Variants in DMRT2 observed in about 807,000 individuals in gnomAD.
DMRT2 encodes the protein doublesex- and mab-3-related transcription factor 2.
Under a neutral mutation model 43.5 loss-of-function variants are expected in DMRT2, and 33 were observed. That is an observed-to-expected ratio of 0.76 (90% CI 0.58 to 1.01). The LOEUF (loss-of-function observed/expected upper bound fraction) is 1.01. Among genes scored for constraint, DMRT2 ranks in the 50% least tolerant of loss-of-function variants. The pLI, the probability that DMRT2 is intolerant of heterozygous loss-of-function variation, is 0.00. For synonymous variants in DMRT2, 395 were observed against 309.2 expected (o/e 1.28, Z -2.91); for missense variants, 1,064 against 748.0 (o/e 1.42, Z -4.93).
In DMRT2 at chr9:1,056,879, C is replaced by A. The variant is rs764593509; in HGVS notation, c.1292C>A (p.Pro431Gln). The stretch of plus-strand genomic sequence containing the variant: ...GTCCCAGAGAGGTCCGCGTTCTCCC[C>A]ACCCCGACGGAATTTCTCTCCCATT... ...QAVPERSAFS[P>Q]PRRNFSPIVD... The change falls in exon 4 of 4, where the codon CCA (proline) becomes CAA (glutamine). Residue 431 changes from proline (P) to glutamine (Q), a missense_variant. Pro to Gln is a moderately conservative substitution (Grantham distance 76). Transcript: ENST00000358146. 6.2e-7 allele frequency: 1 copy of A among 1,614,150 alleles called. No homozygotes were observed. The highest frequency in any genetic ancestry group is 8.5e-7 in the Non-Finnish European group (1 of 1,180,038).
Position 1,051,643 on chromosome 9 carries a change from CG to C in DMRT2, c.34del (p.Asp12ThrfsTer106), listed in dbSNP as rs1315369746. 1.9e-6 allele frequency: 3 copies of C among 1,566,260 alleles called. No individual in the cohort carries two copies. The highest frequency in any genetic ancestry group is 1.4e-5 in the African/African-American group (1 of 72,024). On this transcript the variant is annotated frameshift_variant, in exon 2 of 4. Transcript: ENST00000358146. LOFTEE classifies it high-confidence loss of function. The surrounding 1 kb of genome is among the most constrained non-coding windows in gnomAD (Gnocchi z 5.9). Reference sequence around the variant, plus strand: ...CCGACCCGCAGGCTGGCTCCGCGGCCGGGGACTGGGAGATCGATGTCGAGAG... The same window carrying C: ...CCGACCCGCAGGCTGGCTCCGCGGCCGGGACTGGGAGATCGATGTCGAGAG... MADPQAGSAA[G>X]DWEIDVESLE...
rs970462719 is a variant in DMRT2, at chr9:1,051,700, G to A, written c.87G>A (p.Ala29=). 3 of 1,553,898 alleles carry A rather than the reference G, an allele frequency of 1.9e-6. No homozygotes were observed. Among genetic ancestry groups the A allele is most frequent in the Admixed American group, 1.9e-5 (1 of 52,378 alleles). The change falls in exon 2 of 4, where the codon GCG becomes GCA. Residue 29 remains alanine, a synonymous_variant. Transcript: ENST00000358146. The surrounding 1 kb of genome is among the most constrained non-coding windows in gnomAD (Gnocchi z 5.9). The stretch of plus-strand genomic sequence containing the variant: ...AGCTGGAAGAGGACGTCTGCGGGGC[G>A]CCGCGGTCCACGCCCCCCGGGCCCA... ...SLELEEDVCG[A]PRSTPPGPSP... is the part of the protein sequence containing the mutation.
chr9:1,051,544 C>A lies in DMRT2; in HGVS notation c.-44-26C>A. The A allele has an allele frequency of 6.9e-7, 1 of 1,439,632 alleles. No homozygotes were observed. 89.2% of individuals were successfully genotyped at this position (1,439,632 alleles called of 1,614,324 possible). A position where few individuals can be genotyped will look rare whatever the true frequency, so the allele number is the denominator to read the frequency against. On this transcript the variant is annotated intron_variant, in intron 1 of 3. Coordinates refer to ENST00000358146, the MANE Select transcript of DMRT2 (RefSeq NM_181872.6). This position sits in a 1 kb window ranked among gnomAD's most constrained non-coding sequence, Gnocchi z 5.9. ...TGGTCCCTGACGGCGGCCGGTGGGT[C>A]TTTGGATTTCTTTGTGTTTCCCCAG... is the stretch of plus-strand genomic sequence containing the variant.
Position 1,056,852 on chromosome 9 carries a change from C to T in DMRT2, c.1265C>T (p.Ala422Val), listed in dbSNP as rs143092642. Residue 422 changes from alanine (A) to valine (V), a missense_variant, in exon 4 of 4, where the codon GCT (alanine) becomes GTT (valine). Physicochemically the swap from Ala to Val is moderately conservative, Grantham distance 64. Transcript: ENST00000358146. ...TTRSDLQGHQAVPERSAFSPP... is the reference protein window; with the variant it reads ...TTRSDLQGHQVVPERSAFSPP... ...AGAAGTGACCTTCAGGGTCATCAGG[C>T]TGTCCCAGAGAGGTCCGCGTTCTCC... 1.3e-3 allele frequency: 2,102 copies of T among 1,614,154 alleles called. 13 individuals carry two copies. Among genetic ancestry groups the T allele is most frequent in the South Asian group, 3.4e-3 (311 of 91,078 alleles).
rs1289901021 is a variant in DMRT2, at chr9:1,057,141, A to G, written c.1554A>G (p.Ile518Met). ...VKDNQKYTFT[I>M]DRCAKDLFVA... ...ACAACCAGAAGTACACATTTACAAT[A>G]GATAGATGTGCAAAAGACCTTTTTG... is the stretch of plus-strand genomic sequence containing the variant. Residue 518 changes from isoleucine to methionine, a missense_variant, in exon 4 of 4, where the codon ATA (isoleucine) becomes ATG (methionine). Transcript: ENST00000358146. 2.5e-6 allele frequency: 4 copies of G among 1,614,102 alleles called. No homozygotes were observed. Among genetic ancestry groups the G allele is most frequent in the African/African-American group, 1.3e-5 (1 of 74,944 alleles).
chr9:1,052,573 C>T (rs1471428487), intron 2 of DMRT2, among the ~76,000 whole-genome samples: 1 of 151,986 alleles, frequency 6.6e-6, no homozygotes, highest in Non-Finnish European at 1.5e-5. Flanking sequence ...AGCACGCATG[C>T]GCTCGGTGCT....
Position 1,052,069 on chromosome 9 carries a change from C to T in DMRT2, c.456C>T (p.Cys152=). ...CRWRDCQCAN[C]LLVVERQRVM... ...GGCGCGACTGCCAGTGCGCCAACTG[C>T]CTGCTGGTGGTGGAGCGGCAGCGCG... is the stretch of plus-strand genomic sequence containing the variant. The change falls in exon 2 of 4, where the codon TGC becomes TGT. Residue 152 remains cysteine (C), a synonymous_variant. Coordinates refer to ENST00000358146, the MANE Select transcript of DMRT2 (RefSeq NM_181872.6). 2.7e-6 allele frequency: 4 copies of T among 1,465,564 alleles called. No individual in the cohort carries two copies. The highest frequency in any genetic ancestry group is 3.6e-6 in the Non-Finnish European group (4 of 1,114,236). 90.8% of individuals were successfully genotyped at this position (1,465,564 alleles called of 1,614,324 possible). A position where few individuals can be genotyped will look rare whatever the true frequency, so the allele number is the denominator to read the frequency against.
At position 1,053,941 on chromosome 9, in the gene DMRT2, A is replaced by G. The variant is rs182144549; in HGVS notation, c.628+117A>G. ...GCTATCTAAAGGGAAAGTACTTTTT[A>G]TTAGAAAGGTTTTGTTTAGGTGTTC... On this transcript the variant is annotated intron_variant, in intron 3 of 3. Transcript: ENST00000358146. 4.8e-6 allele frequency: 4 copies of G among 835,858 alleles called. No homozygotes were observed. The Admixed American group carries it at 1.1e-4, about 23-fold the overall frequency. The allele number at this position is 835,858 out of a possible 1,614,324, so 51.8% of individuals were successfully genotyped here. A position where few individuals can be genotyped will look rare whatever the true frequency, so the allele number is the denominator to read the frequency against.
chr9:1,053,608 C>G lies in DMRT2; in HGVS notation c.526-114C>G, dbSNP rs1250625692. 8.8e-6 allele frequency: 8 copies of G among 908,642 alleles called. No individual in the cohort carries two copies. The African/African-American group carries it at 9.9e-5, about 11-fold the overall frequency. 56.3% of individuals were successfully genotyped at this position (908,642 alleles called of 1,614,324 possible). ...ATTTTTCACACGGAATGGGAAAATT[C>G]AATACATTTAGAAGGGGGAGAGTTT... is the stretch of plus-strand genomic sequence containing the variant. On this transcript the variant is annotated intron_variant, in intron 2 of 3. Transcript: ENST00000358146.
In DMRT2 at chr9:1,057,092, A is replaced by G; in HGVS notation, c.1505A>G (p.Lys502Arg). Residue 502 changes from lysine to arginine, a missense_variant, in exon 4 of 4, where the codon AAA becomes AGA. Transcript: ENST00000358146. ...GAGGCCTTTGAAGAGACCCCTAAGA[A>G]ACACAGAGAGTGTTTAGTTAAGGAC... ...VKEAFEETPK[K>R]HRECLVKDNQ... 6.2e-7 allele frequency: 1 copy of G among 1,614,208 alleles called. No homozygotes were observed. The highest frequency in any genetic ancestry group is 8.5e-7 in the Non-Finnish European group (1 of 1,180,036).
rs377182125 is a variant in DMRT2, at chr9:1,056,863, A to G, written c.1276A>G (p.Arg426Gly). 4.3e-6 allele frequency: 7 copies of G among 1,614,132 alleles called. No individual in the cohort carries two copies. The highest frequency in any genetic ancestry group is 5.9e-6 in the Non-Finnish European group (7 of 1,180,028). The change falls in exon 4 of 4, where the codon AGG becomes GGG. Residue 426 changes from arginine (R) to glycine (G), a missense_variant. Arg to Gly is a moderately radical substitution (Grantham distance 125, BLOSUM62 -2). Coordinates refer to ENST00000358146, the MANE Select transcript of DMRT2 (RefSeq NM_181872.6). ...TCAGGGTCATCAGGCTGTCCCAGAGAGGTCCGCGTTCTCCCCACCCCGACG... is the reference window on the plus strand; with the variant it reads ...TCAGGGTCATCAGGCTGTCCCAGAGGGGTCCGCGTTCTCCCCACCCCGACG... ...DLQGHQAVPE[R>G]SAFSPPRRNF...
At chr9:1,054,929 A>G (rs891835459) in intron 3 of DMRT2, among the ~76,000 whole-genome samples, 3 of 151,484 alleles carry the variant, frequency 2.0e-5, no homozygotes, top group African/African-American at 4.9e-5. Context: ...TTTCTTGTGT[A>G]GCTTCTGAAT....
rs535853385 is a variant in DMRT2 at position 1,052,195 on chromosome 9, G to A, written c.525+57G>A. 9.3e-6 allele frequency: 12 copies of A among 1,286,590 alleles called. No homozygotes were observed. In the Admixed American group the frequency reaches 5.0e-4, roughly 54 times the overall value. The allele number at this position is 1,286,590 out of a possible 1,614,324, so 79.7% of individuals were successfully genotyped here. On this transcript the variant is annotated intron_variant, in intron 2 of 3. Coordinates refer to ENST00000358146, the MANE Select transcript of DMRT2 (RefSeq NM_181872.6). ...CCACAGTGGAGGTGGGGGAGTTGGA[G>A]GGGAGCGGGGCGGCCGTCCACACCC... is the stretch of plus-strand genomic sequence containing the variant.
Position 1,057,013 on chromosome 9 carries a change from C to G in DMRT2, c.1426C>G (p.Gln476Glu), listed in dbSNP as rs1429553863. 1 of 1,614,090 alleles carries G rather than the reference C, an allele frequency of 6.2e-7. No individual in the cohort carries two copies. Among genetic ancestry groups the G allele is most frequent in the African/African-American group, 1.3e-5 (1 of 74,918 alleles). ...ACATAATCCATTCCACTCATTATTCCAGCAAACACTTACTGACAAATCGGG... is the reference window on the plus strand; with the variant it reads ...ACATAATCCATTCCACTCATTATTCGAGCAAACACTTACTGACAAATCGGG... ...LRHNPFHSLF[Q>E]QTLTDKSGPE... is the part of the protein sequence containing the mutation. The change falls in exon 4 of 4, where the codon CAG becomes GAG. Residue 476 changes from glutamine (Q) to glutamate (E), a missense_variant. Physicochemically the swap from Gln to Glu is conservative, Grantham distance 29. Transcript: ENST00000358146.
intron 3 of DMRT2, among the ~76,000 whole-genome samples, chr9:1,054,889 A>T (rs1319508148): frequency 6.6e-6 from 1 of 152,062 alleles, no homozygotes; most frequent in African/African-American, 2.4e-5. Context: ...TCCTATAAAA[A>T]TTTTTAAGTA....
chr9:1,055,972 A>C, intron 3 of DMRT2: 1 of 1,404,722 alleles, frequency 7.1e-7, no homozygotes, highest in Non-Finnish European at 9.2e-7. Context: ...AATCCATAAC[A>C]ACCACAACAA....
chr9:1,051,880 G>T lies in DMRT2; in HGVS notation c.267G>T (p.Pro89=). Residue 89 remains proline (P), a synonymous_variant, in exon 2 of 4, where the codon CCG becomes CCT. Coordinates refer to ENST00000358146, the MANE Select transcript of DMRT2 (RefSeq NM_181872.6). This position sits in a 1 kb window ranked among gnomAD's most constrained non-coding sequence, Gnocchi z 5.9. ...GGGGGGGACCGCAGCCGAGGCCGCC[G>T]CTCGCGCCTCAGGCCTCACCCGCCG... ...EQRGGPQPRP[P]LAPQASPAGT... is the part of the protein sequence containing the mutation. The T allele has an allele frequency of 7.2e-7, 1 of 1,380,016 alleles. No homozygotes were observed. Among genetic ancestry groups the T allele is most frequent in the Non-Finnish European group, 9.3e-7 (1 of 1,078,404 alleles). The allele number at this position is 1,380,016 out of a possible 1,614,324, so 85.5% of individuals were successfully genotyped here.
Position 1,056,788 on chromosome 9 carries a change from T to C in DMRT2, c.1201T>C (p.Ser401Pro). Residue 401 changes from serine (S) to proline (P), a missense_variant, in exon 4 of 4, where the codon TCC becomes CCC. Coordinates refer to ENST00000358146, the MANE Select transcript of DMRT2 (RefSeq NM_181872.6). ...CATGATGCCATCGAAATTGGAAGGTTCCCTGGTGCTGCCTCACACTCCTGA... is the reference window on the plus strand; with the variant it reads ...CATGATGCCATCGAAATTGGAAGGTCCCCTGGTGCTGCCTCACACTCCTGA... ...QDMMPSKLEG[S>P]LVLPHTPEIQ... 2 of 1,614,060 alleles carry C rather than the reference T, an allele frequency of 1.2e-6. No homozygotes were observed. Among genetic ancestry groups the C allele is most frequent in the South Asian group, 2.2e-5 (2 of 91,078 alleles).
chr9:1,053,620 A>T, intron 2 of DMRT2, 102 bp from the exon 3 acceptor site: 1 of 986,596 alleles, frequency 1.0e-6, no homozygotes, highest in Admixed American at 2.3e-5. Flanking sequence ...ATACATTTAG[A>T]AGGGGGAGAG....
Sources: allele counts gnomAD v4.1 joint callset (sites outside exome capture counted in the v4.1 genomes callset), GRCh38; gene constraint gnomAD v4.1.1; non-coding constraint Gnocchi (gnomAD v3.1); transcripts MANE v1.5; gene names NCBI Gene and HGNC (gene_info 2026-07-23, HGNC 2026-07-21).